Variants in FAF1 observed in about 807,000 individuals in gnomAD.
The protein encoded by FAF1 is FAS-associated factor 1.
Under a neutral mutation model 92.5 loss-of-function variants are expected in FAF1, and 25 were observed. That is an observed-to-expected ratio of 0.27 (90% CI 0.20 to 0.38). The LOEUF (loss-of-function observed/expected upper bound fraction) is 0.38. Ranked by LOEUF, FAF1 falls within the 10% of genes least tolerant of loss-of-function variation. The probability of loss-of-function intolerance (pLI) is 1.00; values close to 1 mark genes in which losing one functional copy is unlikely to be tolerated. For missense variants in FAF1, 636 were observed against 793.3 expected (o/e 0.80, Z 2.38); for synonymous variants, 234 against 273.2 (o/e 0.86, Z 1.42).
chr1:50,881,245 C>G (rs866077515), intron 1 of FAF1, among the ~76,000 whole-genome samples: 5 of 152,272 alleles, frequency 3.3e-5, no homozygotes, highest in Middle Eastern at 3.4e-3. Context: ...GCCCAAGAAT[C>G]TGTATTTTAG....
At chr1:50,649,767 G>A (rs1283178092) in intron 8 of FAF1, among the ~76,000 whole-genome samples, 2 of 142,066 alleles carry the variant, frequency 1.4e-5, no homozygotes, top group Non-Finnish European at 3.0e-5. Flanking sequence ...TTATGAAACC[G>A]CGTCTCTACT....
intron 8 of FAF1, among the ~76,000 whole-genome samples, chr1:50,610,739 G>A (rs1192030292): frequency 2.0e-5 from 3 of 152,026 alleles, no homozygotes; most frequent in African/African-American, 7.3e-5. Flanking sequence ...CCCATGGGAA[G>A]CCACACCCCT....
intron 8 of FAF1, among the ~76,000 whole-genome samples, chr1:50,651,500 C>G (rs1654863039): frequency 6.6e-6 from 1 of 152,110 alleles, no homozygotes; most frequent in Non-Finnish European, 1.5e-5. Context: ...ATATTTAAAG[C>G]CACACAAATT....
At chr1:50,932,281 G>A (rs1413751797) in intron 1 of FAF1, among the ~76,000 whole-genome samples, 1 of 152,176 alleles carries the variant, frequency 6.6e-6, no homozygotes, top group Non-Finnish European at 1.5e-5. Context: ...TCTGAGACAA[G>A]GCAAGTCCCT....
chr1:50,637,604 T>C (rs1654100659), intron 8 of FAF1, among the ~76,000 whole-genome samples: 1 of 151,790 alleles, frequency 6.6e-6, no homozygotes, highest in Admixed American at 6.6e-5. Context: ...CATAGCTGTC[T>C]GGGAGGAGGT....
chr1:50,796,031 G>A (rs938884408), intron 3 of FAF1, among the ~76,000 whole-genome samples: 1 of 151,746 alleles, frequency 6.6e-6, no homozygotes, highest in African/African-American at 2.4e-5. Context: ...GGTGAAAGAT[G>A]CTTCACCAGG....
chr1:50,767,559 G>A (rs933696269), intron 4 of FAF1, among the ~76,000 whole-genome samples: 1 of 152,100 alleles, frequency 6.6e-6, no homozygotes, highest in Non-Finnish European at 1.5e-5. Flanking sequence ...AAGACAGCTG[G>A]AGAAAAGGGA....
intron 18 of FAF1, among the ~76,000 whole-genome samples, chr1:50,464,966 A>G (rs1294927068): frequency 6.6e-6 from 1 of 152,130 alleles, no homozygotes; most frequent in Non-Finnish European, 1.5e-5. Flanking sequence ...TTTACATCCA[A>G]TCATCTCTCC....
intron 1 of FAF1, among the ~76,000 whole-genome samples, chr1:50,898,088 T>C (rs1425095123): frequency 2.6e-5 from 4 of 152,174 alleles, no homozygotes; most frequent in Non-Finnish European, 5.9e-5. Flanking sequence ...TATGAAGTTG[T>C]TTGCTACACA....
chr1:50,615,754 T>C (rs1328809984), intron 8 of FAF1, among the ~76,000 whole-genome samples: 1 of 152,212 alleles, frequency 6.6e-6, no homozygotes, highest in African/African-American at 2.4e-5. Flanking sequence ...TTTTTGGATA[T>C]AGAATTTTTG....
chr1:50,655,394 G>T, intron 8 of FAF1, 48 bp downstream of exon 8: 1 of 1,199,092 alleles, frequency 8.3e-7, no homozygotes, highest in Non-Finnish European at 1.2e-6. Flanking sequence ...ACTGAAAGTG[G>T]CAAAAGAGAA....
At chr1:50,714,774 T>C (rs944384082) in intron 6 of FAF1, among the ~76,000 whole-genome samples, 1 of 152,158 alleles carries the variant, frequency 6.6e-6, no homozygotes, top group Admixed American at 6.5e-5. Flanking sequence ...TCTTTGCAAA[T>C]TCATTTGCTT....
At chr1:50,478,812 T>C (rs1433360767) in intron 17 of FAF1, among the ~76,000 whole-genome samples, 1 of 152,230 alleles carries the variant, frequency 6.6e-6, no homozygotes, top group African/African-American at 2.4e-5. Flanking sequence ...CAGTGTTGTA[T>C]TGTATAAAGC....
chr1:50,487,363 G>A (rs1296663206), intron 17 of FAF1, among the ~76,000 whole-genome samples: 1 of 152,146 alleles, frequency 6.6e-6, no homozygotes, highest in Non-Finnish European at 1.5e-5. Flanking sequence ...TGGTGCTTGT[G>A]CTAGATTATC....
At chr1:50,637,672 C>CAT (rs772902400) in intron 8 of FAF1, among the ~76,000 whole-genome samples, 2,435 of 141,100 alleles carry the variant, frequency 0.017, 72 homozygotes, top group African/African-American at 0.059. Flanking sequence ...GTGGCTCACA[C>CAT]ATATATATAT....
At chr1:50,463,128 A>G (rs1031276380) in intron 18 of FAF1, among the ~76,000 whole-genome samples, 3 of 152,164 alleles carry the variant, frequency 2.0e-5, no homozygotes, top group Admixed American at 1.3e-4. Context: ...GCATTTTGGT[A>G]TATGTCTGGC....
intron 8 of FAF1, among the ~76,000 whole-genome samples, chr1:50,639,941 A>C (rs1654241874): frequency 6.6e-6 from 1 of 151,814 alleles, no homozygotes; most frequent in Non-Finnish European, 1.5e-5. Flanking sequence ...CTCAAAAAAA[A>C]AAAAAAAAAA....
chr1:50,491,636 T>A (rs893894627), intron 16 of FAF1, 85 bp downstream of exon 16: 8 of 935,626 alleles, frequency 8.6e-6, no homozygotes, highest in Non-Finnish European at 1.3e-5. Flanking sequence ...AAACCCAGTA[T>A]TTTTAGGGAT....
chr1:50,956,989 C>G (rs1645272334), intron 1 of FAF1, among the ~76,000 whole-genome samples: 1 of 152,118 alleles, frequency 6.6e-6, no homozygotes, highest in Admixed American at 6.5e-5. Flanking sequence ...ACCTGGTTTT[C>G]TTATAACTGA....
Sources: allele counts gnomAD v4.1 joint callset (sites outside exome capture counted in the v4.1 genomes callset), GRCh38; gene constraint gnomAD v4.1.1; transcripts MANE v1.5; gene names NCBI Gene and HGNC (gene_info 2026-07-23, HGNC 2026-07-21).